The following C20orf96 variants were observed in gnomAD, a reference collection of about 807,000 sequenced individuals.
The protein encoded by C20orf96 is uncharacterized protein C20orf96.
C20orf96 carries 57 observed loss-of-function variants against 52.6 expected under a neutral mutation model. The observed-to-expected ratio is 1.08, with a 90% confidence interval of 0.88 to 1.35. The LOEUF (loss-of-function observed/expected upper bound fraction) is 1.35. C20orf96 is among the 40% of genes most tolerant of loss of function. The pLI is 0.00. For missense variants in C20orf96, 478 were observed against 443.6 expected (o/e 1.08, Z -0.70); for synonymous variants, 168 against 157.2 (o/e 1.07, Z -0.51).
chr20:284,589 C>T (rs1324987076), intron 3 of C20orf96, among the ~76,000 whole-genome samples: 1 of 152,276 alleles, frequency 6.6e-6, no homozygotes, highest in Non-Finnish European at 1.5e-5. Context: ...GGCATGGCGG[C>T]TCACGCCTGT....
In C20orf96 at chr20:276,017, G is replaced by A. The variant is rs201883976; in HGVS notation, c.982C>T (p.Arg328Trp). 62 of 1,614,050 alleles carry A rather than the reference G, an allele frequency of 3.8e-5. No individual in the cohort carries two copies. The highest frequency in any genetic ancestry group is 6.7e-5 in the East Asian group (3 of 44,892). ...AEVEELQAQT[R>W]EPREVIFEDV... is the part of the protein sequence containing the mutation. Reference sequence around the variant, plus strand: ...TCAAATATGACCTCTCGGGGTTCCCGGGTCTGGGCTTGGAGCTCTTCCACC... The same window carrying A: ...TCAAATATGACCTCTCGGGGTTCCCAGGTCTGGGCTTGGAGCTCTTCCACC... The change falls in exon 10 of 11, where the codon CGG becomes TGG. Residue 328 changes from arginine (R) to tryptophan (W), a missense_variant. By Grantham distance (101) the Arg-to-Trp change is moderately radical (BLOSUM62 -3). Coordinates refer to ENST00000360321, the MANE Select transcript of C20orf96 (RefSeq NM_153269.3).
At position 276,861 on chromosome 20, in the gene C20orf96, C is replaced by T. The variant is rs1286716053; in HGVS notation, c.844G>A (p.Glu282Lys). ...SVVAETQRPY[E>K]EALLQKMWES... is the part of the protein sequence containing the mutation. ...CACATCTTCTGTAGGAGAGCCTCTT[C>T]ATAGGGACGCTGGGTTTCCTGTGGA... is the stretch of plus-strand genomic sequence containing the variant. Residue 282 changes from glutamate to lysine, a missense_variant, in exon 9 of 11, where the codon GAA (glutamate) becomes AAA (lysine). Physicochemically the swap from Glu to Lys is moderately conservative, Grantham distance 56. Transcript: ENST00000360321. 6.2e-7 allele frequency: 1 copy of T among 1,613,994 alleles called. No homozygotes were observed. Among genetic ancestry groups the T allele is most frequent in the East Asian group, 2.2e-5 (1 of 44,880 alleles).
rs759121364 is a variant in C20orf96 at position 275,962 on chromosome 20, A to C, written c.1031+6T>G. 1 of 1,612,996 alleles carries C rather than the reference A, an allele frequency of 6.2e-7. No individual in the cohort carries two copies. The highest frequency in any genetic ancestry group is 1.7e-5 in the Admixed American group (1 of 60,016). On this transcript the variant is annotated splice_donor_region_variant and intron_variant, in intron 10 of 10. Coordinates refer to ENST00000360321, the MANE Select transcript of C20orf96 (RefSeq NM_153269.3). ...TTTAAGAGGCAGTGGCAAAAAGATCACATACTTGGGTCTCCGAAGCAGAAC... is the reference window on the plus strand; with the variant it reads ...TTTAAGAGGCAGTGGCAAAAAGATCCCATACTTGGGTCTCCGAAGCAGAAC...
intron 5 of C20orf96, among the ~76,000 whole-genome samples, chr20:278,703 C>G (rs1348785025): frequency 1.3e-5 from 2 of 150,788 alleles, no homozygotes; most frequent in South Asian, 4.2e-4. Flanking sequence ...GCCCGGTGAA[C>G]CCCCTCTGGG....
In C20orf96 at chr20:278,326, T is replaced by G. The variant is rs1227370324; in HGVS notation, c.565+4A>C. 1 of 1,611,628 alleles carries G rather than the reference T, an allele frequency of 6.2e-7. No homozygotes were observed. Among genetic ancestry groups the G allele is most frequent in the African/African-American group, 1.3e-5 (1 of 74,886 alleles). On this transcript the variant is annotated splice_donor_region_variant and intron_variant, in intron 6 of 10. Coordinates refer to ENST00000360321, the MANE Select transcript of C20orf96 (RefSeq NM_153269.3). ...GGGTCAAGGAATTTGCCAGGGATTC[T>G]TACAGCTCATCTTGCATTTCTTCTT...
chr20:274,196 T>A (rs997600761), intron 10 of C20orf96, among the ~76,000 whole-genome samples: 1 of 151,950 alleles, frequency 6.6e-6, no homozygotes, highest in Admixed American at 6.6e-5. Context: ...TTTCTACTTT[T>A]TAGGAGGGAA....
intron 10 of C20orf96, among the ~76,000 whole-genome samples, chr20:273,984 GAC>G (rs1212510907): frequency 1.4e-5 from 2 of 145,182 alleles, no homozygotes; most frequent in African/African-American, 5.3e-5. Context: ...AAAAGAGAAA[GAC>G]AGAGAGAGAA....
rs757252241 is a variant in C20orf96 at position 277,387 on chromosome 20, G to C, written c.566-4C>G. 6 of 1,613,402 alleles carry C rather than the reference G, an allele frequency of 3.7e-6. No individual in the cohort carries two copies. The highest frequency in any genetic ancestry group is 2.7e-5 in the African/African-American group (2 of 74,920). ...TGCTCTGCCTGCTGCTCAAGATCTG[G>C]GGAGGGGTTAGGGAGGTCAGCAGGG... On this transcript the variant is annotated splice_polypyrimidine_tract_variant and splice_region_variant and intron_variant, in intron 6 of 10. Transcript: ENST00000360321.
rs2012521013 is a variant in C20orf96, at chr20:290,595, G to GT, written c.15dup (p.Gln6ThrfsTer54). 1.8e-6 allele frequency: 2 copies of GT among 1,140,840 alleles called. No individual in the cohort carries two copies. Among genetic ancestry groups the GT allele is most frequent in the African/African-American group, 5.4e-5 (2 of 37,382 alleles). The allele number at this position is 1,140,840 out of a possible 1,614,324, so 70.7% of individuals were successfully genotyped here. A position where few individuals can be genotyped will look rare whatever the true frequency, so the allele number is the denominator to read the frequency against. On this transcript the variant is annotated frameshift_variant, in exon 1 of 11. Transcript: ENST00000360321. LOFTEE classifies it high-confidence loss of function. ...TTTTTTTTTTTTTTTACCTACTTTT[G>GT]TAAGACATGCGCCATTGGGGAAAAT...
In C20orf96 at chr20:277,044, C is replaced by T. The variant is rs143466555; in HGVS notation, c.825G>A (p.Ala275=). The T allele has an allele frequency of 8.0e-5, 129 of 1,612,728 alleles. 1 individual carries two copies. In the East Asian group the frequency reaches 2.4e-3, roughly 30 times the overall value. The change falls in exon 8 of 11, where the codon GCG becomes GCA. Residue 275 remains alanine (A), a splice_region_variant and synonymous_variant. Transcript: ENST00000360321. ...KKKKILSSVV[A]ETQRPYEEAL... ...TCCCACACAGCAACTGGCTACTCAC[C>T]GCCACCACAGAACTCAGAATTTTTT...
intron 4 of C20orf96, among the ~76,000 whole-genome samples, 190 bp from the exon 5 acceptor site, chr20:279,520 G>A (rs1395659684): frequency 2.6e-5 from 4 of 152,130 alleles, no homozygotes; most frequent in African/African-American, 9.7e-5. Context: ...ACTCTCATCC[G>A]TTCGGAAACG....
At chr20:272,236 T>C (rs577909141) in intron 10 of C20orf96, among the ~76,000 whole-genome samples, 3 of 152,178 alleles carry the variant, frequency 2.0e-5, no homozygotes, top group Admixed American at 6.5e-5. Flanking sequence ...TGGCAACACC[T>C]AAATTTCTAC....
intron 1 of C20orf96, 132 bp from the exon 2 acceptor site, chr20:290,439 GGGGCGGGGCCAAGGAGATGT>G: frequency 6.5e-7 from 1 of 1,538,468 alleles, no homozygotes; most frequent in Non-Finnish European, 8.8e-7. Flanking sequence ...CCGCGGGAGT[GGGGCGGGGCCAAGGAGATGT>G]GGGCGGGGAG....
In C20orf96 at chr20:271,102, T is replaced by A. The variant is rs886793907; in HGVS notation, c.*105A>T. 5 of 932,028 alleles carry A rather than the reference T, an allele frequency of 5.4e-6. No homozygotes were observed. Among genetic ancestry groups the A allele is most frequent in the Non-Finnish European group, 8.4e-6 (5 of 592,196 alleles). 57.7% of individuals were successfully genotyped at this position (932,028 alleles called of 1,614,324 possible). ...GGAAGGGCAGAGGGAGCAGGGAGACTGTAGATCAGGGTCTGAATGGAGATC... is the reference window on the plus strand; with the variant it reads ...GGAAGGGCAGAGGGAGCAGGGAGACAGTAGATCAGGGTCTGAATGGAGATC... On this transcript the variant is annotated 3_prime_UTR_variant, in exon 11 of 11. Transcript: ENST00000360321.
At chr20:276,228 G>A in intron 9 of C20orf96, 142 bp from the exon 10 acceptor site, 2 of 1,504,898 alleles carry the variant, frequency 1.3e-6, no homozygotes, top group East Asian at 2.3e-5. Context: ...ACTCCAGGGA[G>A]GGGACTTCCC....
rs1555771696 is a variant in C20orf96, at chr20:289,204, C to CCCA, written c.187+354_187+355insTGG. Among the ~76,000 whole-genome samples, 259 of 150,574 alleles carry CCCA rather than the reference C, an allele frequency of 1.7e-3. 2 individuals carry two copies. Among genetic ancestry groups the CCCA allele is most frequent in the African/African-American group, 6.1e-3 (248 of 40,832 alleles). On this transcript the variant is annotated intron_variant, in intron 3 of 10. Transcript: ENST00000360321. ...TGTCACTTCAAATCTGGACCCCCCCCAAAAAAAATGCCCACATAATTGTCC... is the reference window on the plus strand; with the variant it reads ...TGTCACTTCAAATCTGGACCCCCCCCCCAAAAAAAAATGCCCACATAATTGTCC...
Position 289,583 on chromosome 20 carries a change from T to C in C20orf96, c.163A>G (p.Lys55Glu). ...QANSLHTSKM[K>E]TLTRVQPVFH... ...CCTGGTTGGACCCTAGTCAAAGTCT[T>C]CATTTTGCTTGTATGAAGGCTGTTG... Residue 55 changes from lysine to glutamate, a missense_variant, in exon 3 of 11, where the codon AAG (lysine) becomes GAG (glutamate). Physicochemically the swap from Lys to Glu is moderately conservative, Grantham distance 56. Coordinates refer to ENST00000360321, the MANE Select transcript of C20orf96 (RefSeq NM_153269.3). The C allele has an allele frequency of 6.2e-7, 1 of 1,614,024 alleles. No homozygotes were observed. The highest frequency in any genetic ancestry group is 1.1e-5 in the South Asian group (1 of 91,084).
rs1438321710 is a variant in C20orf96 at position 277,340 on chromosome 20, C to T, written c.609G>A (p.Lys203=). The change falls in exon 7 of 11, where the codon AAG becomes AAA. Residue 203 remains lysine, a synonymous_variant. Coordinates refer to ENST00000360321, the MANE Select transcript of C20orf96 (RefSeq NM_153269.3). ...TCAGGAAGTTCACTTCCTCCTGGGTCTTCTCAATCTTGGCATTCAGCTGCT... is the reference window on the plus strand; with the variant it reads ...TCAGGAAGTTCACTTCCTCCTGGGTTTTCTCAATCTTGGCATTCAGCTGCT... The part of the protein sequence containing the change: ...QAEQLNAKIE[K]TQEEVNFLST... 11 of 1,614,130 alleles carry T rather than the reference C, an allele frequency of 6.8e-6. No homozygotes were observed. The highest frequency in any genetic ancestry group is 9.3e-6 in the Non-Finnish European group (11 of 1,180,026).
At chr20:279,638 C>T (rs923405660) in intron 4 of C20orf96, among the ~76,000 whole-genome samples, 9 of 152,116 alleles carry the variant, frequency 5.9e-5, no homozygotes, top group Admixed American at 2.0e-4. Flanking sequence ...TAAAGATGTG[C>T]CTTCATATCA....
Sources: allele counts gnomAD v4.1 joint callset (sites outside exome capture counted in the v4.1 genomes callset), GRCh38; gene constraint gnomAD v4.1.1; transcripts MANE v1.5; gene names NCBI Gene and HGNC (gene_info 2026-07-23, HGNC 2026-07-21).